LRP1B: variants seen among roughly 807,000 people sequenced by gnomAD.
LRP1B encodes low-density lipoprotein receptor-related protein 1B.
A neutral mutation model predicts 556.6 loss-of-function variants in LRP1B; 217 were observed. The observed-to-expected ratio is 0.39, with a 90% CI of 0.35 to 0.44. The LOEUF (loss-of-function observed/expected upper bound fraction) is 0.44. Ranked by LOEUF, LRP1B falls within the 20% of genes least tolerant of loss-of-function variation. The pLI is 1.00. For missense variants in LRP1B, 5,053 were observed against 5,620.8 expected, an observed-to-expected ratio of 0.90 and a Z score of 3.23; for synonymous variants, 2,047 against 1,865.8, an observed-to-expected ratio of 1.10 and a Z score of -2.50.
chr2:140,892,042 C>G lies in LRP1B; in HGVS notation c.3767-5707G>C, dbSNP rs141958343. Among the ~76,000 whole-genome samples the G allele has an allele frequency of 2.6e-3, 397 of 152,064 alleles. 3 individuals are homozygous for G. Among genetic ancestry groups the G allele is most frequent in the African/African-American group, 9.1e-3 (376 of 41,476 alleles). On this transcript the variant is annotated intron_variant, in intron 23 of 90. Transcript: ENST00000389484. Reference sequence around the variant, plus strand: ...CTCACTCAGGTGAGAGGTGGAACAACAACAAAACCTGCATTTCTAGGATAC... The same window carrying G: ...CTCACTCAGGTGAGAGGTGGAACAAGAACAAAACCTGCATTTCTAGGATAC...
intron 11 of LRP1B, among the ~76,000 whole-genome samples, chr2:141,042,633 T>C (rs1262922441): frequency 6.6e-6 from 1 of 152,102 alleles, no homozygotes; most frequent in Non-Finnish European, 1.5e-5. Flanking sequence ...AGTCTCAATT[T>C]CCAATCTATA....
At chr2:140,698,346 A>G (rs1686509679) in intron 41 of LRP1B, among the ~76,000 whole-genome samples, 1 of 152,120 alleles carries the variant, frequency 6.6e-6, no homozygotes, top group Non-Finnish European at 1.5e-5. Context: ...TATTTACCAT[A>G]TTAGAAATTT....
intron 43 of LRP1B, among the ~76,000 whole-genome samples, chr2:140,577,485 T>C (rs1282025100): frequency 6.6e-6 from 1 of 151,820 alleles, no homozygotes; most frequent in African/African-American, 2.4e-5. Flanking sequence ...GGTGCAATTA[T>C]GGCTCACTGC....
rs1257808394 is a variant in LRP1B at position 141,832,327 on chromosome 2, T to TCTCTTA, written c.83-21927_83-21926insTAAGAG. Among the ~76,000 whole-genome samples the TCTCTTA allele has an allele frequency of 1.0e-3, 150 of 143,964 alleles. 1 individual carries two copies. The Middle Eastern group carries it at 0.018, about 17-fold the overall frequency. The allele number at this position is 143,964 out of a possible 152,430, so 94.4% of individuals were successfully genotyped here. A position where few individuals can be genotyped will look rare whatever the true frequency, so the allele number is the denominator to read the frequency against. ...AATAATTATCCTATCTCTTTCTCTC[T>TCTCTTA]CACACACACACACACACACACACAC... On this transcript the variant is annotated intron_variant, in intron 1 of 90. Coordinates refer to ENST00000389484, the MANE Select transcript of LRP1B (RefSeq NM_018557.3).
Position 140,364,679 on chromosome 2 carries a change from CA to C in LRP1B, c.11112del (p.Asp3704GlufsTer52). 6.2e-7 allele frequency: 1 copy of C among 1,609,938 alleles called. No individual in the cohort carries two copies. On this transcript the variant is annotated frameshift_variant, in exon 72 of 91. Coordinates refer to ENST00000389484, the MANE Select transcript of LRP1B (RefSeq NM_018557.3). LOFTEE classifies it high-confidence loss of function. ...DGEDDCGDNS[D>X]EAPDMCVKFL... ...GCCATACCACACATATCAGGGGCTT[CA>C]TCAGAGTTGTCTCCACAGTCGTCCT...
chr2:141,657,004 C>G lies in LRP1B; in HGVS notation c.205+153275G>C, dbSNP rs116685463. 1.4e-3 allele frequency among the ~76,000 whole-genome samples: 211 copies of G among 152,164 alleles called. 1 individual carries two copies. Among genetic ancestry groups the G allele is most frequent in the African/African-American group, 4.9e-3 (203 of 41,538 alleles). On this transcript the variant is annotated intron_variant, in intron 2 of 90. Coordinates refer to ENST00000389484, the MANE Select transcript of LRP1B (RefSeq NM_018557.3). Reference sequence around the variant, plus strand: ...ACATTTTAATGCCAAATCAGGATTTCTAAGCTCTTTTGGAACAACAAACTT... The same window carrying G: ...ACATTTTAATGCCAAATCAGGATTTGTAAGCTCTTTTGGAACAACAAACTT...
intron 25 of LRP1B, among the ~76,000 whole-genome samples, chr2:140,872,314 G>A (rs888130523): frequency 9.4e-5 from 13 of 137,900 alleles, no homozygotes; most frequent in Middle Eastern, 7.9e-3. Context: ...GAACAGACAA[G>A]TTCATCTCAG....
At chr2:141,768,801 GGTTATA>G (rs1382828621) in intron 2 of LRP1B, among the ~76,000 whole-genome samples, 4 of 151,940 alleles carry the variant, frequency 2.6e-5, no homozygotes, top group African/African-American at 9.6e-5. Flanking sequence ...TAATAACTAG[GGTTATA>G]GTTATATAGT....
intron 18 of LRP1B, among the ~76,000 whole-genome samples, chr2:140,981,643 A>T (rs1010337451): frequency 6.6e-6 from 1 of 152,174 alleles, no homozygotes; most frequent in African/African-American, 2.4e-5. Context: ...CAAAAATATT[A>T]TCTTAAACTA....
chr2:141,493,250 T>G (rs1002336362), intron 2 of LRP1B, among the ~76,000 whole-genome samples: 1 of 152,182 alleles, frequency 6.6e-6, no homozygotes, highest in Non-Finnish European at 1.5e-5. Flanking sequence ...TACATTGTGC[T>G]GCAATCTCAG....
Position 142,130,737 on chromosome 2 carries a change from G to T in LRP1B, c.-8C>A. ...GAGGAGAAACTCGGACATTGTGGTCGCCCGGTAAGGAAGCCTGCGCTGGAG... is the reference window on the plus strand; with the variant it reads ...GAGGAGAAACTCGGACATTGTGGTCTCCCGGTAAGGAAGCCTGCGCTGGAG... On this transcript the variant is annotated 5_prime_UTR_variant, in exon 1 of 91. Coordinates refer to ENST00000389484, the MANE Select transcript of LRP1B (RefSeq NM_018557.3). 2 of 1,607,454 alleles carry T rather than the reference G, an allele frequency of 1.2e-6. No individual in the cohort carries two copies. Among genetic ancestry groups the T allele is most frequent in the Non-Finnish European group, 1.7e-6 (2 of 1,176,664 alleles).
At chr2:141,225,033 C>T (rs567625271) in intron 6 of LRP1B, among the ~76,000 whole-genome samples, 99 of 151,958 alleles carry the variant, frequency 6.5e-4, no homozygotes, top group African/African-American at 2.2e-3. Flanking sequence ...GCAATAAGGA[C>T]GTAATTTAGT....
intron 1 of LRP1B, among the ~76,000 whole-genome samples, chr2:142,081,669 G>A (rs1182072870): frequency 6.6e-6 from 1 of 152,150 alleles, no homozygotes; most frequent in Non-Finnish European, 1.5e-5. Context: ...TTTAGGGACT[G>A]GTTCTCGCTA....
chr2:141,284,074 T>A (rs2105394044), intron 3 of LRP1B, among the ~76,000 whole-genome samples: 1 of 152,220 alleles, frequency 6.6e-6, no homozygotes, highest in Admixed American at 6.5e-5. Context: ...GACAGCTGAG[T>A]CAGGAAACCT....
At chr2:141,325,416 A>G (rs2105479843) in intron 3 of LRP1B, among the ~76,000 whole-genome samples, 1 of 152,226 alleles carries the variant, frequency 6.6e-6, no homozygotes, top group East Asian at 1.9e-4. Context: ...TTATGAAACA[A>G]GATTATTTCC....
chr2:140,554,868 G>T (rs980668651), intron 43 of LRP1B, among the ~76,000 whole-genome samples: 3 of 125,638 alleles, frequency 2.4e-5, no homozygotes, highest in Admixed American at 2.4e-4. Context: ...GTGTGTGTGT[G>T]TGTGTGTGTG....
intron 1 of LRP1B, among the ~76,000 whole-genome samples, chr2:141,824,309 A>G (rs185688388): frequency 6.6e-5 from 10 of 152,270 alleles, no homozygotes; most frequent in African/African-American, 2.2e-4. Flanking sequence ...TTTCAATGCC[A>G]CTCAACTAGC....
At chr2:140,940,663 G>A (rs1009427548) in intron 20 of LRP1B, among the ~76,000 whole-genome samples, 1 of 152,116 alleles carries the variant, frequency 6.6e-6, no homozygotes, top group African/African-American at 2.4e-5. Context: ...TGTTCGCCAA[G>A]TCTATCACTG....
chr2:142,072,237 G>C lies in LRP1B; in HGVS notation c.82+58411C>G, dbSNP rs140897418. Among the ~76,000 whole-genome samples, 1,184 of 151,972 alleles carry C rather than the reference G, an allele frequency of 7.8e-3. 20 individuals are homozygous for C. The highest frequency in any genetic ancestry group is 0.027 in the African/African-American group (1,103 of 41,490). ...GATCAGATGATCTTGAAAAGCTTTT[G>C]ATCATGTCACCTAAGGTAGTACTAG... is the stretch of plus-strand genomic sequence containing the variant. On this transcript the variant is annotated intron_variant, in intron 1 of 90. Transcript: ENST00000389484.
Sources: gnomAD v4.1 joint callset for allele counts (sites outside exome capture counted in the v4.1 genomes callset) on GRCh38, gnomAD v4.1.1 for gene constraint, MANE v1.5 for transcripts, NCBI Gene and HGNC (gene_info 2026-07-23, HGNC 2026-07-21) for gene names.